Variants in CERS6 observed in about 807,000 individuals in gnomAD.
The protein encoded by CERS6 is LAG1 homolog, ceramide synthase 6.
A neutral mutation model predicts 56.8 loss-of-function variants in CERS6; 26 were observed. That is an observed-to-expected ratio of 0.46 (90% CI 0.34 to 0.63). The LOEUF (loss-of-function observed/expected upper bound fraction) is 0.63. Ranked by LOEUF, CERS6 falls within the 30% of genes least tolerant of loss-of-function variation. The pLI is 0.01. For missense variants in CERS6, 415 were observed against 467.5 expected, an observed-to-expected ratio of 0.89 and a Z score of 1.04; for synonymous variants, 164 against 173.3, an observed-to-expected ratio of 0.95 and a Z score of 0.42.
rs1683502954 is a variant in CERS6, at chr2:168,584,816, TTTTG to T, written c.407+23502_407+23505del. ...AATGGCTGCAAGAAATTGTGGGGTTTTTTGTTTGTTTTTTGTTTTATGACACAAA... is the reference window on the plus strand; with the variant it reads ...AATGGCTGCAAGAAATTGTGGGGTTTTTTGTTTTTTGTTTTATGACACAAA... On this transcript the variant is annotated intron_variant, in intron 3 of 9. Transcript: ENST00000305747. 3.3e-5 allele frequency among the ~76,000 whole-genome samples: 5 copies of T among 152,236 alleles called. No individual in the cohort carries two copies. In the South Asian group the frequency reaches 1.0e-3, roughly 31 times the overall value.
At chr2:168,477,555 A>C (rs1035623827) in intron 1 of CERS6, among the ~76,000 whole-genome samples, 2 of 152,220 alleles carry the variant, frequency 1.3e-5, no homozygotes, top group Admixed American at 1.3e-4. Flanking sequence ...CCACTCCCCT[A>C]TCAGTGCTTC....
At chr2:168,484,250 C>T (rs1378659641) in intron 1 of CERS6, among the ~76,000 whole-genome samples, 5 of 125,058 alleles carry the variant, frequency 4.0e-5, no homozygotes, top group African/African-American at 6.0e-5. Flanking sequence ...GGCGTGATCT[C>T]AGCTTACCAC....
At chr2:168,693,808 T>A (rs931006916) in intron 5 of CERS6, among the ~76,000 whole-genome samples, 1 of 152,130 alleles carries the variant, frequency 6.6e-6, no homozygotes, top group African/African-American at 2.4e-5. Context: ...ATCATATGAA[T>A]GTTAGGGGGA....
chr2:168,745,417 A>G (rs937068348), intron 8 of CERS6, among the ~76,000 whole-genome samples: 4 of 151,982 alleles, frequency 2.6e-5, no homozygotes, highest in South Asian at 2.1e-4. Context: ...AATTTTTTGT[A>G]TTTTTAGTAG....
intron 1 of CERS6, among the ~76,000 whole-genome samples, chr2:168,506,727 G>A (rs149032519): frequency 6.6e-6 from 1 of 152,264 alleles, no homozygotes; most frequent in South Asian, 2.1e-4. Context: ...GGCTAGAGAT[G>A]TAGTAACTTT....
chr2:168,510,689 T>G (rs1694763434), intron 1 of CERS6, among the ~76,000 whole-genome samples: 1 of 152,250 alleles, frequency 6.6e-6, no homozygotes, highest in African/African-American at 2.4e-5. Context: ...AGTGTTTTTT[T>G]CTTTTTCCTG....
At chr2:168,525,591 TAAAC>T (rs1695056193) in intron 1 of CERS6, among the ~76,000 whole-genome samples, 1 of 152,250 alleles carries the variant, frequency 6.6e-6, no homozygotes, top group Non-Finnish European at 1.5e-5. Context: ...TGAGGAAATT[TAAAC>T]ATTCAATGGG....
chr2:168,622,941 G>T (rs1684507809), intron 3 of CERS6, among the ~76,000 whole-genome samples: 1 of 152,150 alleles, frequency 6.6e-6, no homozygotes, highest in Non-Finnish European at 1.5e-5. Flanking sequence ...TTTTATGTCA[G>T]AGTTTCCAAA....
intron 3 of CERS6, among the ~76,000 whole-genome samples, chr2:168,614,418 A>G (rs1684266783): frequency 6.6e-6 from 1 of 152,224 alleles, no homozygotes; most frequent in Non-Finnish European, 1.5e-5. Flanking sequence ...CTGGTATGTC[A>G]GGGCAATTGA....
chr2:168,585,233 A>G (rs1378655764), intron 3 of CERS6, among the ~76,000 whole-genome samples: 1 of 152,258 alleles, frequency 6.6e-6, no homozygotes, highest in Non-Finnish European at 1.5e-5. Flanking sequence ...GGGCCCAGAT[A>G]GAATGAGTTT....
At chr2:168,602,363 A>T (rs996000877) in intron 3 of CERS6, among the ~76,000 whole-genome samples, 2 of 152,248 alleles carry the variant, frequency 1.3e-5, no homozygotes, top group Non-Finnish European at 2.9e-5. Context: ...TAATTTTAGT[A>T]CTTTTGCTAA....
At chr2:168,556,283 G>T (rs185602845) in intron 2 of CERS6, among the ~76,000 whole-genome samples, 7 of 152,152 alleles carry the variant, frequency 4.6e-5, no homozygotes, top group African/African-American at 9.6e-5. Flanking sequence ...AAAAATTAGT[G>T]AACTGAACCT....
At chr2:168,747,844 C>CAG (rs954238547) in intron 8 of CERS6, among the ~76,000 whole-genome samples, 81 of 151,216 alleles carry the variant, frequency 5.4e-4, no homozygotes, top group Admixed American at 1.4e-3. Flanking sequence ...CATAAACACA[C>CAG]ACACACACAC....
At chr2:168,673,756 C>A (rs1685982497) in intron 4 of CERS6, among the ~76,000 whole-genome samples, 1 of 152,190 alleles carries the variant, frequency 6.6e-6, no homozygotes, top group South Asian at 2.1e-4. Flanking sequence ...TCTCTCTACT[C>A]TGGATTCCTC....
chr2:168,547,851 T>C (rs964326734), intron 2 of CERS6, 150 bp downstream of exon 2: 1 of 628,896 alleles, frequency 1.6e-6, no homozygotes, highest in Non-Finnish European at 2.9e-6. Flanking sequence ...GCAAGCGTAG[T>C]AGAAGCGGAA....
intron 3 of CERS6, among the ~76,000 whole-genome samples, chr2:168,618,436 A>T (rs973993134): frequency 1.3e-5 from 2 of 152,206 alleles, no homozygotes; most frequent in Non-Finnish European, 2.9e-5. Flanking sequence ...CAAGGAAGTC[A>T]AACTGTGGCT....
At chr2:168,739,273 T>G (rs1167005275) in intron 8 of CERS6, among the ~76,000 whole-genome samples, 1 of 151,788 alleles carries the variant, frequency 6.6e-6, no homozygotes, top group African/African-American at 2.4e-5. Context: ...GAAAATGATA[T>G]TTGAGCTGGG....
Position 168,765,638 on chromosome 2 carries a change from T to C in CERS6, c.892T>C (p.Tyr298His), listed in dbSNP as rs768146878. The C allele has an allele frequency of 1.2e-6, 2 of 1,614,162 alleles. No homozygotes were observed. The highest frequency in any genetic ancestry group is 8.5e-7 in the Non-Finnish European group (1 of 1,179,992). Residue 298 changes from tyrosine (Y) to histidine (H), a missense_variant, in exon 9 of 10, where the codon TAC becomes CAC. Physicochemically the swap from Tyr to His is moderately conservative, Grantham distance 83. Transcript: ENST00000305747. ...LFESWEIVGP[Y>H]PSWWVFNLLL... ...TGAAAGCTGGGAGATCGTTGGACCT[T>C]ACCCTTCCTGGTGGGTTTTTAACCT...
At chr2:168,652,945 T>C (rs1685381236) in intron 4 of CERS6, among the ~76,000 whole-genome samples, 1 of 152,226 alleles carries the variant, frequency 6.6e-6, no homozygotes, top group African/African-American at 2.4e-5. Context: ...TGGCAAGTTG[T>C]TGACTGTATT....
Sources: allele counts gnomAD v4.1 joint callset (sites outside exome capture counted in the v4.1 genomes callset), GRCh38; gene constraint gnomAD v4.1.1; transcripts MANE v1.5; gene names NCBI Gene and HGNC (gene_info 2026-07-23, HGNC 2026-07-21).